Variants in MCPH1 observed in about 807,000 individuals in gnomAD.
MCPH1 encodes microcephalin 1, also known as microcephalin.
A neutral mutation model predicts 84.5 loss-of-function variants in MCPH1; 104 were observed. The ratio of observed to expected loss-of-function variants is 1.23; its 90% confidence interval spans 1.05 to 1.45. The LOEUF (loss-of-function observed/expected upper bound fraction) is 1.45. Ranked by LOEUF, MCPH1 falls within the 40% of genes most tolerant of loss-of-function variation. MCPH1 has a pLI of 0.00. For missense variants in MCPH1, 1,498 were observed against 1,005.7 expected, an observed-to-expected ratio of 1.49 and a Z score of -6.62; for synonymous variants, 514 against 366.8, an observed-to-expected ratio of 1.40 and a Z score of -4.58.
At chr8:6,476,568 A>T (rs1415063322) in intron 9 of MCPH1, among the ~76,000 whole-genome samples, 1 of 152,218 alleles carries the variant, frequency 6.6e-6, no homozygotes, top group Non-Finnish European at 1.5e-5. Flanking sequence ...AGAAAAGCAG[A>T]CAAACGAAAA....
Position 6,555,754 on chromosome 8 carries a change from C to T in MCPH1, c.2214+55825C>T, listed in dbSNP as rs142074887. Among the ~76,000 whole-genome samples the T allele has an allele frequency of 9.1e-4, 139 of 152,342 alleles. 1 individual carries two copies. The highest frequency in any genetic ancestry group is 3.2e-3 in the African/African-American group (133 of 41,574). ...CTGCGATTACAGGCATGAGCCACTG[C>T]ACCCAGCCACATAAATTTGTTTTTA... is the stretch of plus-strand genomic sequence containing the variant. On this transcript the variant is annotated intron_variant, in intron 12 of 13. Coordinates refer to ENST00000344683, the MANE Select transcript of MCPH1 (RefSeq NM_024596.5).
intron 2 of MCPH1, among the ~76,000 whole-genome samples, chr8:6,414,498 C>G (rs777470184): frequency 1.1e-4 from 17 of 152,188 alleles, no homozygotes; most frequent in Non-Finnish European, 2.2e-4. Flanking sequence ...ATTTTCTCTT[C>G]TGTCCTCTTT....
At chr8:6,603,357 G>T (rs560386685) in intron 12 of MCPH1, among the ~76,000 whole-genome samples, 2 of 152,050 alleles carry the variant, frequency 1.3e-5, no homozygotes, top group Non-Finnish European at 2.9e-5. Flanking sequence ...TCGGGATGAC[G>T]GAAGTACTCT....
chr8:6,539,154 A>G (rs1281372306), intron 12 of MCPH1, among the ~76,000 whole-genome samples: 1 of 152,244 alleles, frequency 6.6e-6, no homozygotes, highest in Non-Finnish European at 1.5e-5. Context: ...GATTTTGGGC[A>G]GCACTTTGTC....
intron 12 of MCPH1, among the ~76,000 whole-genome samples, chr8:6,584,430 G>A (rs1392500582): frequency 1.3e-5 from 2 of 152,178 alleles, no homozygotes; most frequent in Non-Finnish European, 2.9e-5. Flanking sequence ...GGAGATTATT[G>A]TGAAAAGAAC....
chr8:6,465,012 A>AG (rs1554499514), intron 9 of MCPH1, among the ~76,000 whole-genome samples: 15 of 151,974 alleles, frequency 9.9e-5, no homozygotes, highest in Admixed American at 5.9e-4. Context: ...AAAAAAAAAA[A>AG]GAAAAATTCT....
chr8:6,524,180 G>C (rs888122039), intron 12 of MCPH1, among the ~76,000 whole-genome samples: 1 of 152,104 alleles, frequency 6.6e-6, no homozygotes, highest in Non-Finnish European at 1.5e-5. Context: ...TGTTTTAAAG[G>C]AAGGGGACCT....
At chr8:6,619,977 C>T (rs919760787) in intron 12 of MCPH1, among the ~76,000 whole-genome samples, 4 of 152,228 alleles carry the variant, frequency 2.6e-5, no homozygotes, top group African/African-American at 9.6e-5. Flanking sequence ...CAGCTTGGCC[C>T]CGTGATGCTA....
intron 3 of MCPH1, among the ~76,000 whole-genome samples, chr8:6,428,889 A>T (rs1486299947): frequency 6.8e-6 from 1 of 146,572 alleles, no homozygotes; most frequent in East Asian, 2.1e-4. Flanking sequence ...GCTTCTGCAG[A>T]TAAGCTGTTC....
chr8:6,486,494 C>T (rs1241579912), intron 11 of MCPH1, among the ~76,000 whole-genome samples: 1 of 152,098 alleles, frequency 6.6e-6, no homozygotes, highest in Non-Finnish European at 1.5e-5. Context: ...AGCAGTTCTT[C>T]AGAATTAGAT....
chr8:6,506,937 G>C (rs904202635), intron 12 of MCPH1, among the ~76,000 whole-genome samples: 8 of 150,868 alleles, frequency 5.3e-5, no homozygotes, highest in African/African-American at 2.0e-4. Flanking sequence ...CACTCTTGTC[G>C]TCCAGGCTGG....
intron 12 of MCPH1, among the ~76,000 whole-genome samples, chr8:6,574,580 G>C (rs1207975253): frequency 6.6e-6 from 1 of 152,176 alleles, no homozygotes; most frequent in Non-Finnish European, 1.5e-5. Flanking sequence ...ACCTAAAGGG[G>C]ACAGAAAACT....
chr8:6,454,514 G>A (rs1393987807), intron 8 of MCPH1, among the ~76,000 whole-genome samples: 1 of 152,208 alleles, frequency 6.6e-6, no homozygotes, highest in Admixed American at 6.5e-5. Flanking sequence ...GGCAGTAGAT[G>A]AGTCAAATCA....
intron 9 of MCPH1, among the ~76,000 whole-genome samples, chr8:6,469,271 G>A (rs1222754384): frequency 3.3e-5 from 5 of 152,072 alleles, no homozygotes; most frequent in African/African-American, 1.2e-4. Flanking sequence ...TTAAAAATGG[G>A]GGAATATCAA....
At chr8:6,518,030 C>T (rs888877138) in intron 12 of MCPH1, among the ~76,000 whole-genome samples, 3 of 151,972 alleles carry the variant, frequency 2.0e-5, no homozygotes, top group African/African-American at 4.8e-5. Context: ...TCATATAATC[C>T]CAGAGTACTA....
intron 10 of MCPH1, among the ~76,000 whole-genome samples, chr8:6,479,819 G>C (rs1586018570): frequency 6.6e-6 from 1 of 152,256 alleles, no homozygotes; most frequent in African/African-American, 2.4e-5. Context: ...TTTTTTTAAA[G>C]GATATTTTAA....
At chr8:6,540,127 C>G (rs1430833865) in intron 12 of MCPH1, among the ~76,000 whole-genome samples, 2 of 152,202 alleles carry the variant, frequency 1.3e-5, no homozygotes, top group African/African-American at 2.4e-5. Flanking sequence ...TGTGCTCTGG[C>G]AAATCCTATC....
At chr8:6,450,794 G>A (rs1355265340) in intron 8 of MCPH1, among the ~76,000 whole-genome samples, 1 of 152,018 alleles carries the variant, frequency 6.6e-6, no homozygotes, top group African/African-American at 2.4e-5. Flanking sequence ...CCAAATTGGA[G>A]TGCAGTGACA....
intron 3 of MCPH1, among the ~76,000 whole-genome samples, chr8:6,420,776 A>T (rs1195411076): frequency 1.3e-5 from 2 of 152,158 alleles, no homozygotes; most frequent in African/African-American, 4.8e-5. Context: ...CCCTTTTGTT[A>T]CCAGTGGAAG....
Sources: allele counts gnomAD v4.1 joint callset (sites outside exome capture counted in the v4.1 genomes callset), GRCh38; gene constraint gnomAD v4.1.1; transcripts MANE v1.5; gene names NCBI Gene and HGNC (gene_info 2026-07-23, HGNC 2026-07-21).